The following ZNF563 variants were observed in gnomAD, a reference collection of about 807,000 sequenced individuals.
ZNF563 encodes zinc finger protein 563.
A neutral mutation model predicts 48.5 loss-of-function variants in ZNF563; 39 were observed. The observed-to-expected ratio is 0.80, with a 90% CI of 0.62 to 1.05. The LOEUF is 1.05. Ranked by LOEUF, ZNF563 falls within the 50% of genes least tolerant of loss-of-function variation. ZNF563 has a pLI of 0.00. For missense variants in ZNF563, 538 were observed against 597.0 expected (o/e 0.90, Z 1.03); for synonymous variants, 168 against 187.9 (o/e 0.89, Z 0.87).
upstream of ZNF563, among the ~76,000 whole-genome samples, chr19:12,335,428 G>A (rs544282058): frequency 1.6e-4 from 24 of 152,330 alleles, no homozygotes; most frequent in African/African-American, 5.5e-4. Flanking sequence ...AACTTTGTTT[G>A]ACTGCAGGTC....
upstream of ZNF563, among the ~76,000 whole-genome samples, chr19:12,337,409 G>A (rs1479744308): frequency 6.6e-6 from 1 of 152,006 alleles, no homozygotes; most frequent in Non-Finnish European, 1.5e-5. Flanking sequence ...TCACCACGTT[G>A]GCCAGGCTGG....
chr19:12,333,848 C>A (rs574914774), upstream of ZNF563: 2 of 304,240 alleles, frequency 6.6e-6, no homozygotes, highest in South Asian at 1.0e-4. Context: ...CAGGCACAGC[C>A]CTTGACAGGG....
At chr19:12,335,238 C>G (rs933199690), upstream of ZNF563, among the ~76,000 whole-genome samples, 9 of 152,214 alleles carry the variant, frequency 5.9e-5, no homozygotes, top group Non-Finnish European at 1.2e-4. Flanking sequence ...ATTCTTGGGA[C>G]TCTTAGTCCT....
intron 1 of ZNF563, among the ~76,000 whole-genome samples, chr19:12,333,218 G>T (rs923149931): frequency 1.1e-4 from 17 of 152,214 alleles, no homozygotes; most frequent in African/African-American, 3.9e-4. Context: ...ATGGGGGGCT[G>T]CGGGCGAGGA....
At chr19:12,340,166 T>G in the ZNF563 span, among the ~76,000 whole-genome samples, 14 of 152,150 alleles carry the variant, frequency 9.2e-5, no homozygotes, top group African/African-American at 3.4e-4. Context: ...AAAACCGGTC[T>G]CTACAGAAAA....
chr19:12,333,358 G>A lies in ZNF563; in HGVS notation c.3+122C>T, dbSNP rs555366846. On this transcript the variant is annotated intron_variant, in intron 1 of 3. Coordinates refer to ENST00000293725, the MANE Select transcript of ZNF563 (RefSeq NM_145276.3). ...GGGACCGAGGGTCGAGCTGCGCCAG[G>A]GGGACTCGGGTCCCAGACCCCGGAG... is the stretch of plus-strand genomic sequence containing the variant. The A allele has an allele frequency of 3.2e-4, 440 of 1,358,130 alleles. 8 individuals are homozygous for A. The South Asian group carries it at 5.0e-3, about 15-fold the overall frequency. 84.1% of individuals were successfully genotyped at this position (1,358,130 alleles called of 1,614,324 possible).
intron 1 of ZNF563, among the ~76,000 whole-genome samples, chr19:12,327,518 G>C (rs1403870938): frequency 6.7e-6 from 1 of 149,330 alleles, no homozygotes; most frequent in African/African-American, 2.5e-5. Context: ...AAACAGACAA[G>C]TGCAACAAAT....
chr19:12,333,395 G>A (rs983730797), intron 1 of ZNF563, 85 bp downstream of exon 1: 6 of 1,551,692 alleles, frequency 3.9e-6, no homozygotes, highest in Non-Finnish European at 5.3e-6. Flanking sequence ...TGACGGCGGG[G>A]GAGGCCCACG....
intron 1 of ZNF563, among the ~76,000 whole-genome samples, chr19:12,328,462 AC>A (rs1022021963): frequency 2.0e-5 from 3 of 152,150 alleles, no homozygotes; most frequent in African/African-American, 7.2e-5. Context: ...GTGACAGACC[AC>A]CACCCTGTCT....
At chr19:12,330,766 G>A (rs1370941573) in intron 1 of ZNF563, among the ~76,000 whole-genome samples, 2 of 152,076 alleles carry the variant, frequency 1.3e-5, no homozygotes, top group East Asian at 3.9e-4. Context: ...AGACCTGCCT[G>A]TTTTCATGAA....
In ZNF563 at chr19:12,319,829, G is replaced by T; in HGVS notation, c.196C>A (p.His66Asn). 6.2e-7 allele frequency: 1 copy of T among 1,607,900 alleles called. No homozygotes were observed. The highest frequency in any genetic ancestry group is 1.1e-5 in the South Asian group (1 of 90,582). Reference protein sequence around the residue: ...YKNPRRNLRCHMVERFSESKD... With the variant: ...YKNPRRNLRCNMVERFSESKD... Reference sequence around the variant, plus strand: ...CTTTCACTGAATCTCTCTACCATATGACATCTGTAAAAAATGAGTAGTACG... The same window carrying T: ...CTTTCACTGAATCTCTCTACCATATTACATCTGTAAAAAATGAGTAGTACG... The change falls in exon 4 of 4, where the codon CAT becomes AAT. Residue 66 changes from histidine to asparagine, a missense_variant. Transcript: ENST00000293725.
At chr19:12,346,432 T>C in the ZNF563 span, 1 of 152,066 alleles carries the variant, frequency 6.6e-6, no homozygotes, top group Non-Finnish European at 1.5e-5. Flanking sequence ...ATGAAAAAAA[T>C]ACGACAACCA....
At chr19:12,330,511 A>G (rs1448772487) in intron 1 of ZNF563, among the ~76,000 whole-genome samples, 1 of 152,190 alleles carries the variant, frequency 6.6e-6, no homozygotes, top group Non-Finnish European at 1.5e-5. Flanking sequence ...CAAGGCTTTG[A>G]AGTCTACAGT....
intron 1 of ZNF563, chr19:12,325,000 G>A (rs1014907753): frequency 1.3e-5 from 2 of 152,150 alleles, no homozygotes; most frequent in Non-Finnish European, 2.9e-5. Context: ...CAGATCAGAT[G>A]TTATTCACAA....
chr19:12,344,770 A>C, the ZNF563 span, among the ~76,000 whole-genome samples: 1 of 152,202 alleles, frequency 6.6e-6, no homozygotes, highest in African/African-American at 2.4e-5. Context: ...AGAAAGAAGT[A>C]AAATTATCTG....
chr19:12,333,391 CG>C, intron 1 of ZNF563, 88 bp downstream of exon 1: 4 of 1,541,102 alleles, frequency 2.6e-6, no homozygotes, highest in Admixed American at 1.8e-5. Flanking sequence ...GAGCTGACGG[CG>C]GGGGAGGCCC....
intron 1 of ZNF563, among the ~76,000 whole-genome samples, chr19:12,327,929 A>G (rs1041585173): frequency 6.6e-6 from 1 of 152,236 alleles, no homozygotes; most frequent in African/African-American, 2.4e-5. Context: ...AAAAACCACA[A>G]GGCAAAATAC....
At position 12,331,189 on chromosome 19, in the gene ZNF563, G is replaced by A. The variant is rs1470056251; in HGVS notation, c.3+2291C>T. On this transcript the variant is annotated intron_variant, in intron 1 of 3. Coordinates refer to ENST00000293725, the MANE Select transcript of ZNF563 (RefSeq NM_145276.3). ...ATGATAGAATGCATTTTACAGCTAA[G>A]AAAAAACTGAACAGAAATGAGTGAA... Among the ~76,000 whole-genome samples the A allele has an allele frequency of 2.0e-5, 3 of 152,256 alleles. No homozygotes were observed. The South Asian group carries it at 6.2e-4, about 32-fold the overall frequency.
chr19:12,327,002 C>A (rs1418309018), intron 1 of ZNF563, among the ~76,000 whole-genome samples: 3 of 152,148 alleles, frequency 2.0e-5, no homozygotes, highest in Non-Finnish European at 4.4e-5. Flanking sequence ...ATTATACCAG[C>A]ACTACCCCTG....
Sources: gnomAD v4.1 joint callset for allele counts (sites outside exome capture counted in the v4.1 genomes callset) on GRCh38, gnomAD v4.1.1 for gene constraint, MANE v1.5 for transcripts, NCBI Gene and HGNC (gene_info 2026-07-23, HGNC 2026-07-21) for gene names.